AP1M1: variants seen among roughly 807,000 people sequenced by gnomAD.
AP1M1 encodes the protein adaptor related protein complex 1 subunit mu 1, also known as AP-1 complex subunit mu-1.
A neutral mutation model predicts 57.1 loss-of-function variants in AP1M1; 18 were observed. That is an observed-to-expected ratio of 0.32 (90% CI 0.22 to 0.47). The LOEUF (loss-of-function observed/expected upper bound fraction) is 0.47, where lower values mean the gene tolerates loss of function less well. AP1M1 is among the 20% of genes least tolerant of loss of function. AP1M1 has a pLI of 1.00. For synonymous variants in AP1M1, 241 were observed against 237.9 expected, an observed-to-expected ratio of 1.01 and a Z score of -0.12; for missense variants, 362 against 593.5, an observed-to-expected ratio of 0.61 and a Z score of 4.05.
Position 16,237,113 on chromosome 19 carries a change from G to C in AP1M1, c.*2678G>C, listed in dbSNP as rs1209702896. 1 of 152,248 alleles carries C rather than the reference G, an allele frequency of 6.6e-6. No homozygotes were observed. The highest frequency in any genetic ancestry group is 1.5e-5 in the Non-Finnish European group (1 of 68,048). 9.4% of individuals were successfully genotyped at this position (152,248 alleles called of 1,614,324 possible). A position where few individuals can be genotyped will look rare whatever the true frequency, so the allele number is the denominator to read the frequency against. On this transcript the variant is annotated 3_prime_UTR_variant, in exon 12 of 12. Transcript: ENST00000291439. ...TAACAAAATGGGCTGTGTGTGAACA[G>C]ACAGTATGAAGAAGATGAAATACAA... is the stretch of plus-strand genomic sequence containing the variant.
At position 16,231,194 on chromosome 19, in the gene AP1M1, G is replaced by A. The variant is rs1261453213; in HGVS notation, c.1047+2266G>A. 2.6e-5 allele frequency among the ~76,000 whole-genome samples: 4 copies of A among 151,148 alleles called. No homozygotes were observed. The South Asian group carries it at 6.3e-4, about 24-fold the overall frequency. Reference sequence around the variant, plus strand: ...TCCCAGCTACTCGGGAGGCTGAGGTGGGAGAATGGTGTGAACTCGGGAGGC... The same window carrying A: ...TCCCAGCTACTCGGGAGGCTGAGGTAGGAGAATGGTGTGAACTCGGGAGGC... On this transcript the variant is annotated intron_variant, in intron 9 of 11. Transcript: ENST00000291439.
chr19:16,198,257 TC>T, intron 1 of AP1M1, 189 bp downstream of exon 1: 1 of 424,122 alleles, frequency 2.4e-6, no homozygotes, highest in Non-Finnish European at 4.1e-6. Flanking sequence ...AAGTGGGTAA[TC>T]CCCGCCCTGT....
chr19:16,243,387 G>A lies in AP1M1; in HGVS notation c.*8952G>A, dbSNP rs1385272816. 6 of 149,358 alleles carry A rather than the reference G, an allele frequency of 4.0e-5. No individual in the cohort carries two copies. The highest frequency in any genetic ancestry group is 7.4e-5 in the Non-Finnish European group (5 of 67,460). The allele number at this position is 149,358 out of a possible 1,614,324, so 9.3% of individuals were successfully genotyped here. A position where few individuals can be genotyped will look rare whatever the true frequency, so the allele number is the denominator to read the frequency against. ...AGGCTGAAATAGTCCTCCCATCTCA[G>A]TCTCACAAGTAGCTGGGATTACAGG... is the stretch of plus-strand genomic sequence containing the variant. On this transcript the variant is annotated 3_prime_UTR_variant, in exon 12 of 12. Coordinates refer to ENST00000291439, the MANE Select transcript of AP1M1 (RefSeq NM_032493.4).
In AP1M1 at chr19:16,242,490, A is replaced by G. The variant is rs1451266271; in HGVS notation, c.*8055A>G. The G allele has an allele frequency of 6.6e-6, 1 of 152,228 alleles. No individual in the cohort carries two copies. The highest frequency in any genetic ancestry group is 2.4e-5 in the African/African-American group (1 of 41,458). The allele number at this position is 152,228 out of a possible 1,614,324, so 9.4% of individuals were successfully genotyped here. On this transcript the variant is annotated 3_prime_UTR_variant, in exon 12 of 12. Coordinates refer to ENST00000291439, the MANE Select transcript of AP1M1 (RefSeq NM_032493.4). ...ATAAATCCAGATATTAGGAACCACA[A>G]CAGGTGTAAATGAAGCAAAGCTGCT...
intron 5 of AP1M1, among the ~76,000 whole-genome samples, chr19:16,212,375 A>G (rs1046900978): frequency 5.9e-5 from 9 of 152,138 alleles, no homozygotes; most frequent in Admixed American, 1.3e-4. Flanking sequence ...TAGATTTTCT[A>G]GTTAGTGTGC....
chr19:16,230,483 C>G (rs1452258180), intron 9 of AP1M1, among the ~76,000 whole-genome samples: 1 of 150,974 alleles, frequency 6.6e-6, no homozygotes, highest in African/African-American at 2.4e-5. Flanking sequence ...TCACTGCAAC[C>G]TGTGCCTCCC....
At chr19:16,223,344 G>A (rs1190028970) in intron 5 of AP1M1, among the ~76,000 whole-genome samples, 1 of 152,186 alleles carries the variant, frequency 6.6e-6, no homozygotes, top group Admixed American at 6.5e-5. Context: ...ACAGATGCTC[G>A]ATTCTAGAGA....
At chr19:16,215,886 CTCATCTGACTG>C (rs1568351263) in intron 5 of AP1M1, among the ~76,000 whole-genome samples, 1 of 151,982 alleles carries the variant, frequency 6.6e-6, no homozygotes, top group Non-Finnish European at 1.5e-5. Flanking sequence ...TTTCTCTATT[CTCATCTGACTG>C]TCTTATTTCA....
Position 16,206,692 on chromosome 19 carries a change from G to A in AP1M1, c.267+284G>A, listed in dbSNP as rs577966358. On this transcript the variant is annotated intron_variant, in intron 3 of 11. Coordinates refer to ENST00000291439, the MANE Select transcript of AP1M1 (RefSeq NM_032493.4). The surrounding 1 kb of genome is among the most constrained non-coding windows in gnomAD (Gnocchi z 4.3). Reference sequence around the variant, plus strand: ...CTGGAAGGGACAAGCAGGGGTCAGCGAGCTTTGGAAGGATGTGGGGTGACC... The same window carrying A: ...CTGGAAGGGACAAGCAGGGGTCAGCAAGCTTTGGAAGGATGTGGGGTGACC... 5.9e-5 allele frequency among the ~76,000 whole-genome samples: 9 copies of A among 152,272 alleles called. No homozygotes were observed. The highest frequency in any genetic ancestry group is 2.1e-4 in the South Asian group (1 of 4,828).
Position 16,231,104 on chromosome 19 carries a change from T to C in AP1M1, c.1047+2176T>C, listed in dbSNP as rs562028992. Among the ~76,000 whole-genome samples the C allele has an allele frequency of 1.2e-3, 184 of 151,834 alleles. 2 individuals carry two copies. The South Asian group carries it at 0.016, about 13-fold the overall frequency. ...GAGATCAAGACCATCCTGGCTAACA[T>C]GGTGAAACCCCGTCTCTACTAAAAA... On this transcript the variant is annotated intron_variant, in intron 9 of 11. Coordinates refer to ENST00000291439, the MANE Select transcript of AP1M1 (RefSeq NM_032493.4).
At chr19:16,229,953 G>A (rs2091588982) in intron 9 of AP1M1, among the ~76,000 whole-genome samples, 3 of 152,152 alleles carry the variant, frequency 2.0e-5, no homozygotes. Context: ...TCCATGGAGG[G>A]GTGGTGACCA....
intron 5 of AP1M1, among the ~76,000 whole-genome samples, chr19:16,224,550 T>C (rs1426838272): frequency 6.6e-6 from 1 of 152,208 alleles, no homozygotes; most frequent in Non-Finnish European, 1.5e-5. Flanking sequence ...GCACCCGCCC[T>C]GGGAAGGGCA....
At chr19:16,233,899 G>A (rs1599468435) in intron 10 of AP1M1, 1 of 541,506 alleles carries the variant, frequency 1.8e-6, no homozygotes, top group South Asian at 2.7e-5. Context: ...CCCCTCAAAA[G>A]CCCACAGAGG....
At position 16,198,241 on chromosome 19, in the gene AP1M1, G is replaced by A. The variant is rs566054131; in HGVS notation, c.42+173G>A. ...TCCTGTTTCTGGGTAACCGGGCGGG[G>A]GTCTTAAGTGGGTAATCCCCGCCCT... On this transcript the variant is annotated intron_variant, in intron 1 of 11. Coordinates refer to ENST00000291439, the MANE Select transcript of AP1M1 (RefSeq NM_032493.4). 4 of 541,994 alleles carry A rather than the reference G, an allele frequency of 7.4e-6. No homozygotes were observed. In the South Asian group the frequency reaches 1.1e-4, roughly 15 times the overall value. 33.6% of individuals were successfully genotyped at this position (541,994 alleles called of 1,614,324 possible). A position where few individuals can be genotyped will look rare whatever the true frequency, so the allele number is the denominator to read the frequency against.
chr19:16,231,168 G>C (rs1245736452), intron 9 of AP1M1, among the ~76,000 whole-genome samples: 1 of 151,372 alleles, frequency 6.6e-6, no homozygotes, highest in Non-Finnish European at 1.5e-5. Flanking sequence ...GGTGCCTGTA[G>C]TCCCAGCTAC....
At chr19:16,224,239 G>A (rs1385712332) in intron 5 of AP1M1, among the ~76,000 whole-genome samples, 3 of 152,226 alleles carry the variant, frequency 2.0e-5, no homozygotes, top group Non-Finnish European at 4.4e-5. Context: ...TTATTGAGCC[G>A]AAAACAGGGT....
chr19:16,230,275 A>T (rs1189532196), intron 9 of AP1M1, among the ~76,000 whole-genome samples: 1 of 152,204 alleles, frequency 6.6e-6, no homozygotes, highest in Non-Finnish European at 1.5e-5. Flanking sequence ...AAGTCTGTTG[A>T]TGTCATTATT....
At chr19:16,233,447 C>T in intron 9 of AP1M1, 46 bp from the exon 10 acceptor site, 1 of 1,524,294 alleles carries the variant, frequency 6.6e-7, no homozygotes. Context: ...GTTGGCTAAG[C>T]TGGGGCAGGG....
rs1477433092 is a variant in AP1M1, at chr19:16,234,838, G to A, written c.*403G>A. 14 of 330,754 alleles carry A rather than the reference G, an allele frequency of 4.2e-5. No homozygotes were observed. Among genetic ancestry groups the A allele is most frequent in the Middle Eastern group, 9.0e-4 (1 of 1,114 alleles). The allele number at this position is 330,754 out of a possible 1,614,324, so 20.5% of individuals were successfully genotyped here. A position where few individuals can be genotyped will look rare whatever the true frequency, so the allele number is the denominator to read the frequency against. ...GCCTCGCCAGGCCAGCAGGGGCGTC[G>A]TTTTGTTGCCATTTTGTTGAACGTT... On this transcript the variant is annotated 3_prime_UTR_variant, in exon 12 of 12. Coordinates refer to ENST00000291439, the MANE Select transcript of AP1M1 (RefSeq NM_032493.4).
Sources: gnomAD v4.1 joint callset for allele counts (sites outside exome capture counted in the v4.1 genomes callset) on GRCh38, gnomAD v4.1.1 for gene constraint, Gnocchi (gnomAD v3.1) non-coding constraint, MANE v1.5 for transcripts, NCBI Gene and HGNC (gene_info 2026-07-23, HGNC 2026-07-21) for gene names.